Variants in LEF1 observed in about 807,000 individuals in gnomAD.
LEF1 encodes the protein lymphoid enhancer binding factor 1.
LEF1 carries 14 observed loss-of-function variants against 51.2 expected under a neutral mutation model. The observed-to-expected ratio is 0.27, with a 90% CI of 0.18 to 0.43. The LOEUF is 0.43. Ranked by LOEUF, LEF1 falls within the 20% of genes least tolerant of loss-of-function variation. The probability of loss-of-function intolerance (pLI) is 1.00; values close to 1 mark genes in which losing one functional copy is unlikely to be tolerated. For synonymous variants in LEF1, 185 were observed against 183.2 expected (o/e 1.01, Z -0.08); for missense variants, 386 against 512.0 (o/e 0.75, Z 2.37).
intron 3 of LEF1, among the ~76,000 whole-genome samples, chr4:108,142,909 A>G (rs1479768448): frequency 6.6e-6 from 1 of 152,258 alleles, no homozygotes; most frequent in Non-Finnish European, 1.5e-5. Context: ...CCCTTTTCAC[A>G]AAGATTTAAT....
At chr4:108,154,702 T>C (rs891312313) in intron 3 of LEF1, among the ~76,000 whole-genome samples, 2 of 152,164 alleles carry the variant, frequency 1.3e-5, no homozygotes, top group African/African-American at 4.8e-5. Context: ...TCTAATATAT[T>C]TGAGATAAGA....
At chr4:108,101,584 A>T (rs1488569379) in intron 3 of LEF1, among the ~76,000 whole-genome samples, 1 of 152,220 alleles carries the variant, frequency 6.6e-6, no homozygotes, top group African/African-American at 2.4e-5. Flanking sequence ...AACAGAAGTG[A>T]GAGGAGTGGG....
intron 4 of LEF1, among the ~76,000 whole-genome samples, 197 bp from the exon 5 acceptor site, chr4:108,083,643 AT>A (rs1474923892): frequency 6.6e-6 from 1 of 152,240 alleles, no homozygotes; most frequent in East Asian, 1.9e-4. Flanking sequence ...TTCAGAGAGT[AT>A]TATCTTAAGG....
chr4:108,125,122 A>C (rs1742441964), intron 3 of LEF1, among the ~76,000 whole-genome samples: 1 of 152,092 alleles, frequency 6.6e-6, no homozygotes, highest in Non-Finnish European at 1.5e-5. Context: ...TTATCAATTC[A>C]ATATAATTTT....
At chr4:108,117,261 C>T (rs1411017631) in intron 3 of LEF1, among the ~76,000 whole-genome samples, 1 of 151,876 alleles carries the variant, frequency 6.6e-6, no homozygotes, top group East Asian at 1.9e-4. Context: ...AAAAAAAACC[C>T]TGATATTATT....
chr4:108,063,334 CCACTGATCAGTAAGAAAT>C lies in LEF1; in HGVS notation c.*6+271_*6+288del, dbSNP rs1472159536. ...TTCTTTTTTTAAGCAGGCCGATTTG[CCACTGATCAGTAAGAAAT>C]GGTTTAGAAGAAAGAGTTAGGGGAA... On this transcript the variant is annotated intron_variant, in intron 11 of 11. Coordinates refer to ENST00000265165, the MANE Select transcript of LEF1 (RefSeq NM_016269.5). Among the ~76,000 whole-genome samples, 6 of 151,760 alleles carry C rather than the reference CCACTGATCAGTAAGAAAT, an allele frequency of 4.0e-5. No individual in the cohort carries two copies. The East Asian group carries it at 1.2e-3, about 29-fold the overall frequency.
At chr4:108,132,649 G>A (rs1177067462) in intron 3 of LEF1, among the ~76,000 whole-genome samples, 3 of 97,128 alleles carry the variant, frequency 3.1e-5, no homozygotes, top group African/African-American at 1.0e-4. Context: ...GGATGAGAGC[G>A]AAAATCTGCC....
At chr4:108,149,458 C>CAAAAAAAAAAAAAAAAAAAAAAA (rs371482539) in intron 3 of LEF1, among the ~76,000 whole-genome samples, 6 of 60,574 alleles carry the variant, frequency 9.9e-5, no homozygotes, top group African/African-American at 3.6e-4. Context: ...GACTCCGTCT[C>CAAAAAAAAAAAAAAAAAAAAAAA]AAAAAAAAAA....
chr4:108,144,938 C>T (rs1743909269), intron 3 of LEF1, among the ~76,000 whole-genome samples: 1 of 132,270 alleles, frequency 7.6e-6, no homozygotes, highest in East Asian at 2.5e-4. Flanking sequence ...TCATAAAAAA[C>T]TTTCATATGA....
intron 3 of LEF1, among the ~76,000 whole-genome samples, chr4:108,089,820 C>T (rs1188635213): frequency 6.6e-6 from 1 of 152,158 alleles, no homozygotes; most frequent in African/African-American, 2.4e-5. Flanking sequence ...TCTTTAAGAA[C>T]CATGGTACAC....
intron 3 of LEF1, among the ~76,000 whole-genome samples, chr4:108,145,384 A>G (rs192215625): frequency 3.9e-5 from 6 of 152,374 alleles, no homozygotes; most frequent in Admixed American, 3.3e-4. Context: ...GACCAAAATA[A>G]CGAGAAATTA....
chr4:108,095,672 T>C (rs1052990688), intron 3 of LEF1, among the ~76,000 whole-genome samples: 6 of 152,182 alleles, frequency 3.9e-5, no homozygotes, highest in African/African-American at 1.2e-4. Context: ...TTAAAACGCA[T>C]GGAAAACCCA....
At chr4:108,095,609 C>T (rs1740325418) in intron 3 of LEF1, among the ~76,000 whole-genome samples, 1 of 152,142 alleles carries the variant, frequency 6.6e-6, no homozygotes, top group South Asian at 2.1e-4. Context: ...TTGGAGAAAA[C>T]TGATATTACC....
intron 8 of LEF1, among the ~76,000 whole-genome samples, chr4:108,076,897 G>A (rs1738898870): frequency 6.6e-6 from 1 of 151,748 alleles, no homozygotes; most frequent in Non-Finnish European, 1.5e-5. Context: ...TGTGGTGGTA[G>A]GCAACTATAA....
intron 6 of LEF1, among the ~76,000 whole-genome samples, chr4:108,080,780 G>C (rs1023793562): frequency 6.6e-6 from 1 of 152,000 alleles, no homozygotes; most frequent in Non-Finnish European, 1.5e-5. Context: ...CAGAAACTTT[G>C]AATACTATAC....
intron 3 of LEF1, among the ~76,000 whole-genome samples, chr4:108,112,629 A>C (rs977654922): frequency 2.6e-5 from 4 of 152,340 alleles, no homozygotes; most frequent in East Asian, 1.9e-4. Context: ...GTTGTTAAGG[A>C]TTAAGTGAGC....
intron 11 of LEF1, among the ~76,000 whole-genome samples, chr4:108,061,194 C>T (rs369216503): frequency 5.9e-5 from 9 of 151,992 alleles, no homozygotes; most frequent in African/African-American, 1.5e-4. Context: ...TCACCAGCGG[C>T]GGGATGGCCT....
rs563839338 is a variant in LEF1 at position 108,113,337 on chromosome 4, T to TG, written c.415-24081dup. 1.3e-4 allele frequency among the ~76,000 whole-genome samples: 20 copies of TG among 152,240 alleles called. No homozygotes were observed. In the South Asian group the frequency reaches 3.9e-3, roughly 30 times the overall value. On this transcript the variant is annotated intron_variant, in intron 3 of 11. Coordinates refer to ENST00000265165, the MANE Select transcript of LEF1 (RefSeq NM_016269.5). ...GTCAGGGAGGAGAGCCAGCTGAGTT[T>TG]GGGTGGGGGAAGTGCAGATCTCCGC...
intron 11 of LEF1, among the ~76,000 whole-genome samples, chr4:108,058,023 G>A (rs1434265802): frequency 6.6e-6 from 1 of 151,944 alleles, no homozygotes; most frequent in Non-Finnish European, 1.5e-5. Flanking sequence ...ACAGGCGCCT[G>A]CCACCACACC....
Sources: gnomAD v4.1 joint callset for allele counts (sites outside exome capture counted in the v4.1 genomes callset) on GRCh38, gnomAD v4.1.1 for gene constraint, MANE v1.5 for transcripts, NCBI Gene and HGNC (gene_info 2026-07-23, HGNC 2026-07-21) for gene names.